GPHN: variants seen among roughly 807,000 people sequenced by gnomAD.
GPHN encodes the protein gephyrin.
A neutral mutation model predicts 95.5 loss-of-function variants in GPHN; 17 were observed. The observed-to-expected ratio is 0.18, with a 90% CI of 0.12 to 0.27. The LOEUF (loss-of-function observed/expected upper bound fraction) is 0.27. GPHN is among the 10% of genes least tolerant of loss of function. GPHN has a pLI of 1.00. For missense variants in GPHN, 660 were observed against 978.1 expected (o/e 0.67, Z 4.34); for synonymous variants, 320 against 322.5 (o/e 0.99, Z 0.08).
the GPHN span, among the ~76,000 whole-genome samples, chr14:67,410,474 T>A: frequency 6.6e-6 from 1 of 151,798 alleles, no homozygotes; most frequent in South Asian, 2.1e-4. Context: ...CTCCACATGC[T>A]GCGAGAAACC....
chr14:66,548,140 G>T (rs947639980), intron 1 of GPHN, among the ~76,000 whole-genome samples: 2 of 149,474 alleles, frequency 1.3e-5, no homozygotes, highest in Non-Finnish European at 3.0e-5. Context: ...ATCTGTTATG[G>T]TGATCTGTGA....
At chr14:66,658,421 A>G (rs1312383779) in intron 1 of GPHN, among the ~76,000 whole-genome samples, 1 of 152,192 alleles carries the variant, frequency 6.6e-6, no homozygotes, top group Non-Finnish European at 1.5e-5. Context: ...CCAATTTTGA[A>G]AAAAATTCTG....
At chr14:67,070,472 CG>C (rs1371519141) in intron 11 of GPHN, among the ~76,000 whole-genome samples, 1 of 149,488 alleles carries the variant, frequency 6.7e-6, no homozygotes, top group Non-Finnish European at 1.5e-5. Flanking sequence ...CCGAGGTGGG[CG>C]GGTCACAAGG....
chr14:67,284,429 T>TAAAAAAA, the GPHN span, among the ~76,000 whole-genome samples: 32 of 92,676 alleles, frequency 3.5e-4, 5 homozygotes, highest in African/African-American at 1.8e-3. Flanking sequence ...CCCTATCTCT[T>TAAAAAAA]AAAAAAAAAA....
intron 1 of GPHN, among the ~76,000 whole-genome samples, chr14:66,552,048 A>T (rs2059832689): frequency 6.6e-6 from 1 of 152,166 alleles, no homozygotes; most frequent in South Asian, 2.1e-4. Context: ...GTTAAGAGGG[A>T]CTTCTGATTC....
chr14:66,544,743 C>A (rs1232333325), intron 1 of GPHN, among the ~76,000 whole-genome samples: 1 of 152,014 alleles, frequency 6.6e-6, no homozygotes, highest in African/African-American at 2.4e-5. Context: ...TGGCCTTCCG[C>A]AGTGTTTGTG....
chr14:67,730,490 T>G, the GPHN span, among the ~76,000 whole-genome samples: 1 of 152,266 alleles, frequency 6.6e-6, no homozygotes, highest in Non-Finnish European at 1.5e-5. Context: ...AAAAATGTTT[T>G]GGATTTCAGA....
intron 2 of GPHN, among the ~76,000 whole-genome samples, chr14:66,729,938 G>A (rs1346069845): frequency 1.3e-5 from 2 of 152,150 alleles, no homozygotes; most frequent in African/African-American, 2.4e-5. Context: ...ATTGTATAAA[G>A]CAGTGAAAAC....
At chr14:67,216,392 C>T in the GPHN span, among the ~76,000 whole-genome samples, 1 of 151,712 alleles carries the variant, frequency 6.6e-6, no homozygotes, top group Non-Finnish European at 1.5e-5. Flanking sequence ...TTTTTTCAGT[C>T]TCCATTTCAT....
the GPHN span, chr14:67,678,443 G>C: frequency 1.3e-6 from 2 of 1,534,818 alleles, no homozygotes; most frequent in Non-Finnish European, 1.8e-6. Flanking sequence ...AAAGAGAAAG[G>C]TATGAAGCAC....
the GPHN span, among the ~76,000 whole-genome samples, chr14:67,495,933 C>A: frequency 6.6e-6 from 1 of 152,254 alleles, no homozygotes; most frequent in Non-Finnish European, 1.5e-5. Context: ...ACCTCAGCAC[C>A]ATCACAGCCA....
the GPHN span, chr14:67,514,979 C>CA: frequency 0.42 from 63,913 of 152,254 alleles, 13,916 homozygotes; most frequent in East Asian, 0.48. Flanking sequence ...CAGTCTTCCC[C>CA]TCACCGTCCC....
the GPHN span, chr14:67,336,398 T>C: frequency 5.4e-6 from 1 of 185,334 alleles, no homozygotes; most frequent in Admixed American, 5.9e-5. Flanking sequence ...TTTTCTTGAT[T>C]TCTTTTTAAC....
chr14:67,691,342 G>A, the GPHN span: 1 of 735,132 alleles, frequency 1.4e-6, no homozygotes, highest in South Asian at 1.6e-5. Context: ...GAGGATGCAG[G>A]ACTTCAATCT....
chr14:66,937,667 G>A (rs958185721), intron 8 of GPHN, among the ~76,000 whole-genome samples: 1 of 152,098 alleles, frequency 6.6e-6, no homozygotes, highest in African/African-American at 2.4e-5. Context: ...ATGAGCCACC[G>A]CACCTGGCCG....
chr14:67,175,893 G>A (rs893870618), intron 21 of GPHN, among the ~76,000 whole-genome samples: 4 of 152,184 alleles, frequency 2.6e-5, no homozygotes, highest in African/African-American at 4.8e-5. Flanking sequence ...TGTTATTGGT[G>A]TATACGAATG....
the GPHN span, among the ~76,000 whole-genome samples, chr14:67,250,496 G>C: frequency 1.3e-5 from 2 of 152,152 alleles, no homozygotes; most frequent in East Asian, 3.8e-4. Flanking sequence ...ATGTGTACTG[G>C]ACATGCAGAT....
At chr14:67,725,192 T>C in the GPHN span, 10 of 1,613,972 alleles carry the variant, frequency 6.2e-6, no homozygotes, top group East Asian at 2.2e-5. Flanking sequence ...CAGGTGCTGG[T>C]GCGGAAATTG....
intron 1 of GPHN, among the ~76,000 whole-genome samples, chr14:66,606,078 C>T (rs1376469083): frequency 6.6e-6 from 1 of 152,062 alleles, no homozygotes; most frequent in Non-Finnish European, 1.5e-5. Flanking sequence ...AACCTGATGT[C>T]AAGAAGTGCA....
Sources: allele counts gnomAD v4.1 joint callset (sites outside exome capture counted in the v4.1 genomes callset), GRCh38; gene constraint gnomAD v4.1.1; transcripts MANE v1.5; gene names NCBI Gene and HGNC (gene_info 2026-07-23, HGNC 2026-07-21).